CRPPA: variants seen among roughly 807,000 people sequenced by gnomAD.
CRPPA encodes the protein D-ribitol-5-phosphate cytidylyltransferase.
Under a neutral mutation model 52.0 loss-of-function variants are expected in CRPPA, and 43 were observed. The observed-to-expected ratio is 0.83, with a 90% confidence interval of 0.65 to 1.07. The LOEUF is 1.07. Among genes scored for constraint, CRPPA ranks in the 50% least tolerant of loss-of-function variants. CRPPA has a pLI of 0.00. For missense variants in CRPPA, 629 were observed against 551.7 expected (o/e 1.14, Z -1.40); for synonymous variants, 250 against 203.5 (o/e 1.23, Z -1.94).
At position 16,238,290 on chromosome 7, in the gene CRPPA, T is replaced by C. The variant is rs62440404; in HGVS notation, c.1119+20100A>G. 9.4e-3 allele frequency among the ~76,000 whole-genome samples: 1,424 copies of C among 152,290 alleles called. 8 individuals are homozygous for C. The highest frequency in any genetic ancestry group is 0.017 in the Non-Finnish European group (1,125 of 68,022). On this transcript the variant is annotated intron_variant, in intron 8 of 9. Transcript: ENST00000407010. ...GCCAAAATATCTATCGCACAGACAT[T>C]AAATCAATACTATGTGAATCCATAT...
In CRPPA at chr7:16,308,533, T is replaced by A; in HGVS notation, c.779A>T (p.Asp260Val). 1 of 1,588,910 alleles carries A rather than the reference T, an allele frequency of 6.3e-7. No individual in the cohort carries two copies. Among genetic ancestry groups the A allele is most frequent in the Non-Finnish European group, 8.6e-7 (1 of 1,159,528 alleles). ...TKAKLVEGSPDLWKVTYKRDL... is the reference protein window; with the variant it reads ...TKAKLVEGSPVLWKVTYKRDL... ...TATCATCCCTCTTACCTTCCAGAGGTCAGGTGATCCTTCTACAAGTTTGGC... is the reference window on the plus strand; with the variant it reads ...TATCATCCCTCTTACCTTCCAGAGGACAGGTGATCCTTCTACAAGTTTGGC... The change falls in exon 4 of 10, where the codon GAC becomes GTC. Residue 260 changes from aspartate (D) to valine (V), a missense_variant. Transcript: ENST00000407010.
intron 5 of CRPPA, among the ~76,000 whole-genome samples, chr7:16,288,845 C>CAAAA (rs71007760): frequency 0.015 from 509 of 34,780 alleles, 68 homozygotes; most frequent in African/African-American, 0.052. Context: ...GACTCTGCCT[C>CAAAA]AAAAAAAAAA....
rs1360469567 is a variant in CRPPA at position 16,376,350 on chromosome 7, C to T, written c.535-109G>A. The T allele has an allele frequency of 2.2e-5, 24 of 1,091,696 alleles. No homozygotes were observed. The South Asian group carries it at 2.4e-4, about 11-fold the overall frequency. The allele number at this position is 1,091,696 out of a possible 1,614,324, so 67.6% of individuals were successfully genotyped here. A position where few individuals can be genotyped will look rare whatever the true frequency, so the allele number is the denominator to read the frequency against. ...AGATCTTATTCATACCTTCAACAAG[C>T]TACCTTAAGAAAACATCTGAGTAAG... On this transcript the variant is annotated intron_variant, in intron 2 of 9. Transcript: ENST00000407010.
At chr7:16,302,206 G>C (rs908977568) in intron 4 of CRPPA, among the ~76,000 whole-genome samples, 20 of 143,734 alleles carry the variant, frequency 1.4e-4, no homozygotes, top group East Asian at 6.5e-4. Flanking sequence ...TGAGGCAGGA[G>C]AATGGCGTGA....
intron 5 of CRPPA, among the ~76,000 whole-genome samples, chr7:16,289,662 G>C (rs1019232375): frequency 4.6e-5 from 7 of 151,918 alleles, no homozygotes; most frequent in Non-Finnish European, 8.8e-5. Flanking sequence ...AACAAATAAG[G>C]TATAGAGAGA....
At chr7:16,316,418 A>T (rs1785145883) in intron 3 of CRPPA, among the ~76,000 whole-genome samples, 2 of 152,150 alleles carry the variant, frequency 1.3e-5, no homozygotes, top group African/African-American at 4.8e-5. Flanking sequence ...TTTAAATTAT[A>T]TGTCTTATGT....
chr7:16,396,471 G>A (rs962253492), intron 2 of CRPPA, among the ~76,000 whole-genome samples: 1 of 152,202 alleles, frequency 6.6e-6, no homozygotes, highest in South Asian at 2.1e-4. Context: ...CTGCTGGTGA[G>A]AATATATAAT....
intron 3 of CRPPA, among the ~76,000 whole-genome samples, chr7:16,356,439 T>C (rs1291475468): frequency 6.6e-6 from 1 of 152,180 alleles, no homozygotes; most frequent in Non-Finnish European, 1.5e-5. Context: ...TATCTGGTTT[T>C]CCTCTTTTTA....
intron 6 of CRPPA, among the ~76,000 whole-genome samples, chr7:16,272,921 T>C (rs1784120817): frequency 6.6e-6 from 1 of 152,014 alleles, no homozygotes; most frequent in African/African-American, 2.4e-5. Context: ...TTTATATATC[T>C]TGTTTGAAAG....
At chr7:16,341,534 C>T (rs1195174061) in intron 3 of CRPPA, among the ~76,000 whole-genome samples, 1 of 152,158 alleles carries the variant, frequency 6.6e-6, no homozygotes, top group Non-Finnish European at 1.5e-5. Flanking sequence ...AAATTACCTA[C>T]AAGTCCTGTT....
intron 9 of CRPPA, among the ~76,000 whole-genome samples, chr7:16,156,838 C>A (rs929427096): frequency 2.0e-5 from 3 of 152,046 alleles, no homozygotes; most frequent in African/African-American, 7.2e-5. Context: ...TTAGTAGAGA[C>A]AATTTTTCAT....
chr7:16,216,359 G>C, intron 8 of CRPPA, 162 bp from the exon 9 acceptor site: 2 of 496,498 alleles, frequency 4.0e-6, no homozygotes, highest in Non-Finnish European at 7.0e-6. Context: ...ACTTAAGATC[G>C]ATGAATCCTC....
rs1447793881 is a variant in CRPPA, at chr7:16,106,000, C to T, written c.1252-14201G>A. Among the ~76,000 whole-genome samples the T allele has an allele frequency of 2.6e-5, 4 of 152,094 alleles. No homozygotes were observed. In the East Asian group the frequency reaches 5.8e-4, roughly 22 times the overall value. ...GGCTCCAGTAAGCCAATAAGCCCTC[C>T]CAACAACTTTGCACAGGCAGGGAGA... is the stretch of plus-strand genomic sequence containing the variant. On this transcript the variant is annotated intron_variant, in intron 9 of 9. Transcript: ENST00000407010.
At chr7:16,341,739 C>G (rs146809931) in intron 3 of CRPPA, among the ~76,000 whole-genome samples, 1 of 152,092 alleles carries the variant, frequency 6.6e-6, no homozygotes, top group Non-Finnish European at 1.5e-5. Flanking sequence ...ATATATTTTA[C>G]AATAAGACTT....
intron 9 of CRPPA, among the ~76,000 whole-genome samples, chr7:16,141,170 A>C (rs879726939): frequency 6.6e-6 from 1 of 152,138 alleles, no homozygotes; most frequent in African/African-American, 2.4e-5. Flanking sequence ...ACAGCTGTCC[A>C]TTCATTTATG....
chr7:16,143,016 T>C (rs1782903495), intron 9 of CRPPA, among the ~76,000 whole-genome samples: 1 of 152,188 alleles, frequency 6.6e-6, no homozygotes, highest in African/African-American at 2.4e-5. Context: ...AAGCTCACAG[T>C]TGACAATGTT....
At chr7:16,317,525 T>A (rs747244107) in intron 3 of CRPPA, among the ~76,000 whole-genome samples, 3 of 152,174 alleles carry the variant, frequency 2.0e-5, no homozygotes, top group Non-Finnish European at 4.4e-5. Flanking sequence ...CTGCTTTTTC[T>A]TATATCTAAT....
intron 8 of CRPPA, among the ~76,000 whole-genome samples, chr7:16,219,015 A>G (rs1018370355): frequency 2.0e-5 from 3 of 152,198 alleles, no homozygotes; most frequent in Non-Finnish European, 2.9e-5. Context: ...CACCAAACCT[A>G]TTCCAAAATT....
intron 6 of CRPPA, among the ~76,000 whole-genome samples, chr7:16,272,119 G>C (rs936478612): frequency 2.0e-5 from 3 of 152,106 alleles, no homozygotes; most frequent in African/African-American, 7.2e-5. Context: ...AAGCTGGTAA[G>C]GTCTGTGAAA....
Sources: gnomAD v4.1 joint callset for allele counts (sites outside exome capture counted in the v4.1 genomes callset) on GRCh38, gnomAD v4.1.1 for gene constraint, MANE v1.5 for transcripts, NCBI Gene and HGNC (gene_info 2026-07-23, HGNC 2026-07-21) for gene names.